LRP5: variants seen among roughly 807,000 people sequenced by gnomAD.
LRP5 encodes the protein LDL receptor related protein 5.
Under a neutral mutation model 154.1 loss-of-function variants are expected in LRP5, and 62 were observed. The ratio of observed to expected loss-of-function variants is 0.40; its 90% CI spans 0.33 to 0.50. The LOEUF is 0.50. Ranked by LOEUF, LRP5 falls within the 20% of genes least tolerant of loss-of-function variation. The probability of loss-of-function intolerance (pLI) is 0.55; values close to 1 mark genes in which losing one functional copy is unlikely to be tolerated. For synonymous variants in LRP5, 966 were observed against 1,011.5 expected, an observed-to-expected ratio of 0.96 and a Z score of 0.85; for missense variants, 1,915 against 2,336.7, an observed-to-expected ratio of 0.82 and a Z score of 3.72.
At chr11:68,371,793 C>G (rs2098634148) in intron 5 of LRP5, among the ~76,000 whole-genome samples, 1 of 152,278 alleles carries the variant, frequency 6.6e-6, no homozygotes, top group African/African-American at 2.4e-5. Context: ...GGGCAGAGGC[C>G]TCGTGCAGGG....
At chr11:68,352,225 T>C (rs1160470571) in intron 2 of LRP5, among the ~76,000 whole-genome samples, 1 of 152,158 alleles carries the variant, frequency 6.6e-6, no homozygotes, top group Non-Finnish European at 1.5e-5. Context: ...ATTTGGGATC[T>C]GTTCTGAAGA....
intron 2 of LRP5, among the ~76,000 whole-genome samples, chr11:68,351,397 G>A (rs2098618414): frequency 6.6e-6 from 1 of 152,148 alleles, no homozygotes; most frequent in African/African-American, 2.4e-5. Flanking sequence ...CAGGAGTCGC[G>A]GGGTTACTGA....
Position 68,448,843 on chromosome 11 carries a change from A to C in LRP5, c.4621A>C (p.Thr1541Pro). 6.2e-7 allele frequency: 1 copy of C among 1,610,212 alleles called. No homozygotes were observed. The highest frequency in any genetic ancestry group is 8.5e-7 in the Non-Finnish European group (1 of 1,179,928). Residue 1541 changes from threonine to proline, a missense_variant, in exon 23 of 23, where the codon ACG becomes CCG. By Grantham distance (38) the Thr-to-Pro change is conservative (BLOSUM62 -1). Coordinates refer to ENST00000294304, the MANE Select transcript of LRP5 (RefSeq NM_002335.4). ...YIIRGMAPPT[T>P]PCSTDVCDSD... Reference sequence around the variant, plus strand: ...CATTCGAGGAATGGCGCCCCCGACGACGCCCTGCAGCACCGACGTGTGTGA... The same window carrying C: ...CATTCGAGGAATGGCGCCCCCGACGCCGCCCTGCAGCACCGACGTGTGTGA...
rs543433818 is a variant in LRP5 at position 68,410,615 on chromosome 11, T to C, written c.2318+475T>C. ...CCCCGGACCTCAGGCTCCTCCGAAA[T>C]GGCCTCTTGGAGGCTGCTGAGCCAC... On this transcript the variant is annotated intron_variant, in intron 10 of 22. Coordinates refer to ENST00000294304, the MANE Select transcript of LRP5 (RefSeq NM_002335.4). 2.0e-5 allele frequency among the ~76,000 whole-genome samples: 3 copies of C among 152,284 alleles called. No individual in the cohort carries two copies. In the East Asian group the frequency reaches 5.8e-4, roughly 29 times the overall value.
chr11:68,424,491 C>T (rs1435473674), intron 14 of LRP5, among the ~76,000 whole-genome samples: 2 of 152,206 alleles, frequency 1.3e-5, no homozygotes, highest in Non-Finnish European at 2.9e-5. Flanking sequence ...GTCTATAAGG[C>T]GGCTGTGCAG....
chr11:68,343,593 G>A (rs996772845), intron 1 of LRP5, among the ~76,000 whole-genome samples: 8 of 152,172 alleles, frequency 5.3e-5, no homozygotes, highest in Admixed American at 4.6e-4. Flanking sequence ...CGGCCAGGAC[G>A]ATGAGTGGGA....
At position 68,447,758 on chromosome 11, in the gene LRP5, C is replaced by A. The variant is rs527760895; in HGVS notation, c.4587-1051C>A. ...CCCGGTGTTGGCTGCACCTTCCCAC[C>A]CATTGCAGGCCCCTCTGTGACAGGA... is the stretch of plus-strand genomic sequence containing the variant. On this transcript the variant is annotated intron_variant, in intron 22 of 22. Transcript: ENST00000294304. The surrounding 1 kb of genome is among the most constrained non-coding windows in gnomAD (Gnocchi z 4.3). Among the ~76,000 whole-genome samples the A allele has an allele frequency of 1.3e-5, 2 of 152,274 alleles. No individual in the cohort carries two copies. Among genetic ancestry groups the A allele is most frequent in the East Asian group, 3.9e-4 (2 of 5,160 alleles).
chr11:68,443,566 TATATATATATATA>T (rs1172740104), intron 21 of LRP5, among the ~76,000 whole-genome samples: 21 of 41,040 alleles, frequency 5.1e-4, no homozygotes, highest in African/African-American at 1.6e-3. Context: ...TATATATATA[TATATATATATATA>T]TATATATTTT....
intron 17 of LRP5, 67 bp downstream of exon 17, chr11:68,429,767 C>T: frequency 6.2e-7 from 1 of 1,603,200 alleles, no homozygotes; most frequent in East Asian, 2.2e-5. Flanking sequence ...TGCTAGGCTG[C>T]TGCCTGGCAT....
intron 5 of LRP5, among the ~76,000 whole-genome samples, chr11:68,376,357 A>G (rs966174196): frequency 1.6e-4 from 25 of 151,546 alleles, no homozygotes; most frequent in East Asian, 5.8e-4. Context: ...TATTTTTTGT[A>G]TTTTTAGTAG....
At chr11:68,384,086 G>A (rs1430928282) in intron 5 of LRP5, among the ~76,000 whole-genome samples, 2 of 152,174 alleles carry the variant, frequency 1.3e-5, no homozygotes, top group Non-Finnish European at 2.9e-5. Flanking sequence ...CCCCAGCCCT[G>A]GGCCCGTGTC....
At chr11:68,416,167 A>G (rs963465780) in intron 12 of LRP5, among the ~76,000 whole-genome samples, 161 bp from the exon 13 acceptor site, 4 of 152,112 alleles carry the variant, frequency 2.6e-5, no homozygotes, top group Non-Finnish European at 4.4e-5. Flanking sequence ...AATTCCCCAT[A>G]GCGCACCCCC....
At chr11:68,355,921 G>C (rs1361727163) in intron 2 of LRP5, among the ~76,000 whole-genome samples, 1 of 151,774 alleles carries the variant, frequency 6.6e-6, no homozygotes, top group African/African-American at 2.4e-5. Flanking sequence ...CTCACTGCAA[G>C]CTCCGCCTCC....
chr11:68,413,881 G>C lies in LRP5; in HGVS notation c.2696G>C (p.Arg899Pro). 6.2e-7 allele frequency: 1 copy of C among 1,613,066 alleles called. No homozygotes were observed. The highest frequency in any genetic ancestry group is 1.7e-5 in the Admixed American group (1 of 60,030). The part of the protein sequence containing the change: ...VMDILVFHSS[R>P]QDGLNDCMHN... ...GACATCCTGGTGTTCCACTCCTCCC[G>C]CCAGGATGGCCTCAATGACTGTATG... The change falls in exon 12 of 23, where the codon CGC becomes CCC. Residue 899 changes from arginine (R) to proline (P), a missense_variant. By Grantham distance (103) the Arg-to-Pro change is moderately radical. This residue lies in a region of LRP5 where 1,094 missense variants were observed against 1,210.1 expected (regional missense o/e 0.90). Coordinates refer to ENST00000294304, the MANE Select transcript of LRP5 (RefSeq NM_002335.4). This position sits in a 1 kb window ranked among gnomAD's most constrained non-coding sequence, Gnocchi z 5.1.
At chr11:68,347,377 G>A (rs1467655673) in intron 1 of LRP5, among the ~76,000 whole-genome samples, 2 of 152,208 alleles carry the variant, frequency 1.3e-5, no homozygotes. Flanking sequence ...CCTGGGCTCT[G>A]AACCCCTCAA....
chr11:68,339,730 G>A (rs978793853), intron 1 of LRP5, among the ~76,000 whole-genome samples: 1 of 152,068 alleles, frequency 6.6e-6, no homozygotes, highest in Admixed American at 6.6e-5. Context: ...TCATTTATCC[G>A]TTCATCGGTT....
At chr11:68,330,262 G>A (rs1441839596) in intron 1 of LRP5, among the ~76,000 whole-genome samples, 9 of 145,706 alleles carry the variant, frequency 6.2e-5, no homozygotes, top group Admixed American at 6.2e-4. Flanking sequence ...GCACATGCGC[G>A]GCCACTGCAA....
At chr11:68,403,941 A>G (rs1465483715) in intron 8 of LRP5, 4 of 587,234 alleles carry the variant, frequency 6.8e-6, no homozygotes, top group Non-Finnish European at 1.2e-5. Context: ...ACATTTGTTG[A>G]GCACCTGCTG....
intron 1 of LRP5, among the ~76,000 whole-genome samples, chr11:68,333,665 A>G (rs967986497): frequency 1.3e-5 from 2 of 152,238 alleles, no homozygotes; most frequent in East Asian, 3.8e-4. Flanking sequence ...ACTCCGTTAT[A>G]GTCATGCTAG....
Sources: gnomAD v4.1 joint callset for allele counts (sites outside exome capture counted in the v4.1 genomes callset) on GRCh38, gnomAD v4.1.1 for gene constraint, gnomAD v4.1.1 regional missense constraint, Gnocchi (gnomAD v3.1) non-coding constraint, MANE v1.5 for transcripts, NCBI Gene and HGNC (gene_info 2026-07-23, HGNC 2026-07-21) for gene names.